The following FAM229B variants were observed in gnomAD, a reference collection of about 807,000 sequenced individuals.
FAM229B encodes the protein protein FAM229B.
A neutral mutation model predicts 6.7 loss-of-function variants in FAM229B; 2 were observed. The observed-to-expected ratio is 0.30, with a 90% CI of 0.12 to 0.94. The LOEUF (loss-of-function observed/expected upper bound fraction) is 0.94, where lower values mean the gene tolerates loss of function less well. FAM229B is among the 40% of genes least tolerant of loss of function. FAM229B has a pLI of 0.54. For synonymous variants in FAM229B, 29 were observed against 34.0 expected (o/e 0.85, Z 0.51); for missense variants, 93 against 96.2 (o/e 0.97, Z 0.14).
Position 112,100,694 on chromosome 6 carries a change from TCATTGCC to T in FAM229B, c.151_157del (p.His51Ter), listed in dbSNP as rs782236492. On this transcript the variant is annotated frameshift_variant, in exon 4 of 4. Transcript: ENST00000368656. LOFTEE classifies it high-confidence loss of function. ...GGCAACTCCGGAGGTGCCCTGGAAG[TCATTGCC>T]TGACAATAACTGATGTTCCCGTCAC... is the stretch of plus-strand genomic sequence containing the variant. The T allele has an allele frequency of 3.7e-6, 6 of 1,613,966 alleles. No individual in the cohort carries two copies. The East Asian group carries it at 1.3e-4, about 36-fold the overall frequency.
At chr6:112,096,321 C>A (rs1348537667) in intron 1 of FAM229B, among the ~76,000 whole-genome samples, 1 of 152,140 alleles carries the variant, frequency 6.6e-6, no homozygotes, top group African/African-American at 2.4e-5. Flanking sequence ...CTTTGGGAGG[C>A]CGAGGCGGGC....
At chr6:112,100,141 G>T (rs1241157813) in intron 3 of FAM229B, among the ~76,000 whole-genome samples, 4 of 152,142 alleles carry the variant, frequency 2.6e-5, no homozygotes, top group Non-Finnish European at 5.9e-5. Flanking sequence ...ACTATTTGGT[G>T]GGAATGTTGG....
chr6:112,094,198 A>C (rs1554318435), intron 1 of FAM229B, among the ~76,000 whole-genome samples: 1 of 152,154 alleles, frequency 6.6e-6, no homozygotes, highest in Non-Finnish European at 1.5e-5. Flanking sequence ...AAAAGAAATA[A>C]TAAAGATTGG....
rs782522288 is a variant in FAM229B, at chr6:112,100,663, T to C, written c.126-7T>C. 3.7e-6 allele frequency: 6 copies of C among 1,606,642 alleles called. No homozygotes were observed. The highest frequency in any genetic ancestry group is 1.7e-4 in the Middle Eastern group (1 of 6,040). The stretch of plus-strand genomic sequence containing the variant: ...TCTAACTACATGTCATCTGCTTTTT[T>C]ATTCAGGCAACTCCGGAGGTGCCCT... On this transcript the variant is annotated splice_region_variant and splice_polypyrimidine_tract_variant and intron_variant, in intron 3 of 3. Transcript: ENST00000368656.
At chr6:112,091,784 G>A (rs1435603390) in intron 1 of FAM229B, among the ~76,000 whole-genome samples, 7 of 151,932 alleles carry the variant, frequency 4.6e-5, no homozygotes, top group African/African-American at 1.7e-4. Context: ...GAAAGAATTA[G>A]TAAACATAAT....
rs1777410132 is a variant in FAM229B at position 112,102,341 on chromosome 6, G to A, written c.*1554G>A. On this transcript the variant is annotated 3_prime_UTR_variant, in exon 4 of 4. Transcript: ENST00000368656. Reference sequence around the variant, plus strand: ...TCTACTAAAAATACAAAAATTAGTCGGGTATGATGGGCAGGTGCCTGTAAT... The same window carrying A: ...TCTACTAAAAATACAAAAATTAGTCAGGTATGATGGGCAGGTGCCTGTAAT... The A allele has an allele frequency of 1.3e-5, 2 of 152,036 alleles. No homozygotes were observed. Among genetic ancestry groups the A allele is most frequent in the South Asian group, 2.1e-4 (1 of 4,806 alleles). The allele number at this position is 152,036 out of a possible 1,614,324, so 9.4% of individuals were successfully genotyped here. A position where few individuals can be genotyped will look rare whatever the true frequency, so the allele number is the denominator to read the frequency against.
chr6:112,092,018 C>A (rs138362168), intron 1 of FAM229B, among the ~76,000 whole-genome samples: 1 of 152,014 alleles, frequency 6.6e-6, no homozygotes, highest in Non-Finnish European at 1.5e-5. Flanking sequence ...GCAATGGAAA[C>A]TGTGCAAAAT....
At chr6:112,097,594 T>C (rs1365158416) in intron 2 of FAM229B, among the ~76,000 whole-genome samples, 3 of 152,036 alleles carry the variant, frequency 2.0e-5, no homozygotes, top group African/African-American at 7.3e-5. Context: ...TTGAAAACAT[T>C]GTGTACTAAT....
chr6:112,089,700 A>G (rs1554317993), intron 1 of FAM229B, among the ~76,000 whole-genome samples: 1 of 152,218 alleles, frequency 6.6e-6, no homozygotes, highest in Non-Finnish European at 1.5e-5. Flanking sequence ...AGAGAGATGC[A>G]CATCAAATTA....
intron 1 of FAM229B, among the ~76,000 whole-genome samples, chr6:112,091,343 A>C (rs1777254244): frequency 6.6e-6 from 1 of 152,144 alleles, no homozygotes; most frequent in Non-Finnish European, 1.5e-5. Context: ...GCATGGATTC[A>C]TGGAAACTAT....
chr6:112,099,475 A>G, intron 3 of FAM229B, 67 bp downstream of exon 3: 1 of 1,446,316 alleles, frequency 6.9e-7, no homozygotes, highest in Non-Finnish European at 9.3e-7. Context: ...CCTTCAGCTG[A>G]TATTCATTAT....
rs1554319290 is a variant in FAM229B, at chr6:112,101,570, A to G, written c.*783A>G. 4 of 152,250 alleles carry G rather than the reference A, an allele frequency of 2.6e-5. No individual in the cohort carries two copies. The highest frequency in any genetic ancestry group is 1.5e-5 in the Non-Finnish European group (1 of 68,022). 9.4% of individuals were successfully genotyped at this position (152,250 alleles called of 1,614,324 possible). A position where few individuals can be genotyped will look rare whatever the true frequency, so the allele number is the denominator to read the frequency against. On this transcript the variant is annotated 3_prime_UTR_variant, in exon 4 of 4. Transcript: ENST00000368656. The stretch of plus-strand genomic sequence containing the variant: ...TGGGATCACTTTTGAGGATGAGGCC[A>G]GCTCTCTATGTTCTCTTTTTCTTCT...
In FAM229B at chr6:112,100,813, T is replaced by C; in HGVS notation, c.*26T>C. ...CACCATTAAGTCTTTTGTCAAGGTCTGACTAGGTCAAGGGTAATGGACCAG... is the reference window on the plus strand; with the variant it reads ...CACCATTAAGTCTTTTGTCAAGGTCCGACTAGGTCAAGGGTAATGGACCAG... On this transcript the variant is annotated 3_prime_UTR_variant, in exon 4 of 4. Transcript: ENST00000368656. 6.5e-7 allele frequency: 1 copy of C among 1,547,538 alleles called. No homozygotes were observed. The highest frequency in any genetic ancestry group is 8.9e-7 in the Non-Finnish European group (1 of 1,119,474).
At chr6:112,089,770 G>T (rs1554317999) in intron 1 of FAM229B, among the ~76,000 whole-genome samples, 2 of 151,440 alleles carry the variant, frequency 1.3e-5, no homozygotes. Flanking sequence ...AGATATGAAA[G>T]TTATTAAAAA....
Position 112,101,284 on chromosome 6 carries a change from T to C in FAM229B, c.*497T>C, listed in dbSNP as rs1554319257. The C allele has an allele frequency of 6.6e-6, 1 of 152,502 alleles. No homozygotes were observed. Among genetic ancestry groups the C allele is most frequent in the East Asian group, 1.9e-4 (1 of 5,184 alleles). 9.4% of individuals were successfully genotyped at this position (152,502 alleles called of 1,614,324 possible). A position where few individuals can be genotyped will look rare whatever the true frequency, so the allele number is the denominator to read the frequency against. ...AAATGGAGCCCTGGGGTTGTGTGTT[T>C]TGGAACAGTATTCAAGATCAAAGAA... is the stretch of plus-strand genomic sequence containing the variant. On this transcript the variant is annotated 3_prime_UTR_variant, in exon 4 of 4. Transcript: ENST00000368656.
intron 1 of FAM229B, among the ~76,000 whole-genome samples, chr6:112,089,863 A>T (rs927107414): frequency 2.7e-5 from 4 of 150,738 alleles, no homozygotes; most frequent in Non-Finnish European, 5.9e-5. Context: ...TGTACTTGAT[A>T]AAAAAAAAGG....
chr6:112,094,844 G>A (rs1554318514), intron 1 of FAM229B, among the ~76,000 whole-genome samples: 1 of 152,126 alleles, frequency 6.6e-6, no homozygotes, highest in African/African-American at 2.4e-5. Context: ...ACTTAAGGGG[G>A]TATTTGGATA....
chr6:112,099,517 C>T, intron 3 of FAM229B, 109 bp downstream of exon 3: 2 of 1,113,618 alleles, frequency 1.8e-6, no homozygotes, highest in South Asian at 1.9e-5. Flanking sequence ...AATTCAAAAA[C>T]ATTGTTGTTT....
chr6:112,099,962 C>G (rs1244576239), intron 3 of FAM229B, among the ~76,000 whole-genome samples: 3 of 152,144 alleles, frequency 2.0e-5, no homozygotes, highest in Non-Finnish European at 4.4e-5. Flanking sequence ...TTTACCATAG[C>G]AAAACCTTAA....
Sources: gnomAD v4.1 joint callset for allele counts (sites outside exome capture counted in the v4.1 genomes callset) on GRCh38, gnomAD v4.1.1 for gene constraint, MANE v1.5 for transcripts, NCBI Gene and HGNC (gene_info 2026-07-23, HGNC 2026-07-21) for gene names.